Variants in NRG3 observed in about 807,000 individuals in gnomAD.
NRG3 encodes neuregulin 3, also known as pro-neuregulin-3, membrane-bound isoform.
In NRG3, 31 loss-of-function variants were observed where a neutral mutation model predicts 66.9. That is an observed-to-expected ratio of 0.46 (90% CI 0.35 to 0.63). The LOEUF (loss-of-function observed/expected upper bound fraction) is 0.63. Ranked by LOEUF, NRG3 falls within the 20% of genes least tolerant of loss-of-function variation. NRG3 has a pLI of 0.00. For synonymous variants in NRG3, 393 were observed against 359.4 expected (o/e 1.09, Z -1.06); for missense variants, 910 against 878.9 (o/e 1.04, Z -0.45).
chr10:82,839,911 T>A (rs2135740147), intron 3 of NRG3, among the ~76,000 whole-genome samples: 1 of 152,242 alleles, frequency 6.6e-6, no homozygotes, highest in East Asian at 1.9e-4. Context: ...ATCCCAAGAA[T>A]GTACAGATAT....
chr10:82,302,767 A>C (rs1475293182), intron 1 of NRG3, among the ~76,000 whole-genome samples: 2 of 152,212 alleles, frequency 1.3e-5, no homozygotes, highest in Non-Finnish European at 2.9e-5. Flanking sequence ...AAATGTGACA[A>C]GAAAGGACGT....
chr10:82,766,304 G>C lies in NRG3; in HGVS notation c.1027+27654G>C, dbSNP rs79716860. 4.1e-3 allele frequency among the ~76,000 whole-genome samples: 628 copies of C among 152,232 alleles called. 3 individuals carry two copies. The highest frequency in any genetic ancestry group is 0.014 in the African/African-American group (578 of 41,544). On this transcript the variant is annotated intron_variant, in intron 3 of 8. Transcript: ENST00000372141. The stretch of plus-strand genomic sequence containing the variant: ...AGGTTTTCTCTTGGCTCTTAGGAGG[G>C]CCTTCTCGTCTTTATTGTGATGCTG...
At chr10:82,924,595 T>G (rs1846796400) in intron 4 of NRG3, among the ~76,000 whole-genome samples, 1 of 149,548 alleles carries the variant, frequency 6.7e-6, no homozygotes, top group Admixed American at 6.7e-5. Context: ...AAAAAAAAGC[T>G]TTTAAAGATT....
intron 2 of NRG3, among the ~76,000 whole-genome samples, chr10:82,615,494 C>T (rs1252835030): frequency 6.6e-6 from 1 of 152,010 alleles, no homozygotes; most frequent in Non-Finnish European, 1.5e-5. Context: ...GAGGTAAAGC[C>T]ATTTCTACAA....
rs1243547902 is a variant in NRG3 at position 82,431,122 on chromosome 10, A to G, written c.953+72254A>G. ...TCACCACATCAGAAAGCTATGAAAA[A>G]CAATTGCCTCCAATTGTTTTCAATA... On this transcript the variant is annotated intron_variant, in intron 2 of 8. Coordinates refer to ENST00000372141, the MANE Select transcript of NRG3 (RefSeq NM_001010848.4). Among the ~76,000 whole-genome samples the G allele has an allele frequency of 2.0e-5, 3 of 152,088 alleles. No homozygotes were observed. The East Asian group carries it at 5.8e-4, about 29-fold the overall frequency.
intron 2 of NRG3, among the ~76,000 whole-genome samples, chr10:82,703,791 G>GACC (rs1447722746): frequency 6.6e-6 from 1 of 152,046 alleles, no homozygotes. Context: ...AGGGAATTAG[G>GACC]ACCACAAGAG....
intron 4 of NRG3, among the ~76,000 whole-genome samples, chr10:82,931,150 A>G (rs902577321): frequency 1.3e-5 from 2 of 152,122 alleles, no homozygotes; most frequent in Admixed American, 6.6e-5. Flanking sequence ...AATACTATCC[A>G]ATTTTTGTCT....
chr10:82,379,794 CT>C (rs2085489337), intron 2 of NRG3, among the ~76,000 whole-genome samples: 1 of 150,262 alleles, frequency 6.7e-6, no homozygotes, highest in Non-Finnish European at 1.5e-5. Flanking sequence ...TAAACTGTCT[CT>C]GACATTGTAG....
intron 1 of NRG3, among the ~76,000 whole-genome samples, chr10:82,175,188 C>G (rs754725494): frequency 6.6e-6 from 1 of 152,142 alleles, no homozygotes; most frequent in Admixed American, 6.5e-5. Context: ...CTCACCAACA[C>G]GAGGTCAGGC....
intron 4 of NRG3, among the ~76,000 whole-genome samples, chr10:82,869,829 C>T (rs569080338): frequency 5.1e-4 from 78 of 151,860 alleles, no homozygotes; most frequent in South Asian, 2.5e-3. Context: ...CGGATGGTCT[C>T]GATCTCCTGA....
chr10:82,146,676 T>C (rs951400978), intron 1 of NRG3, among the ~76,000 whole-genome samples: 1 of 152,126 alleles, frequency 6.6e-6, no homozygotes, highest in Non-Finnish European at 1.5e-5. Flanking sequence ...GATACTTTAA[T>C]TTTGGTCGTT....
chr10:82,649,073 A>T (rs2133873071), intron 2 of NRG3, among the ~76,000 whole-genome samples: 1 of 152,292 alleles, frequency 6.6e-6, no homozygotes, highest in East Asian at 1.9e-4. Context: ...CAAGACAGGG[A>T]TGCCCTCTCT....
intron 2 of NRG3, among the ~76,000 whole-genome samples, chr10:82,502,099 A>G (rs895957758): frequency 4.6e-5 from 7 of 152,220 alleles, no homozygotes; most frequent in Non-Finnish European, 2.9e-5. Context: ...TGAGATAAGC[A>G]TATGTCAAGA....
chr10:81,904,828 C>T (rs1324698070), intron 1 of NRG3, among the ~76,000 whole-genome samples: 3 of 152,096 alleles, frequency 2.0e-5, no homozygotes, highest in Non-Finnish European at 4.4e-5. Context: ...TCCTCTCAGC[C>T]CATGTTTCCT....
At chr10:82,181,693 A>G (rs2073428482) in intron 1 of NRG3, among the ~76,000 whole-genome samples, 1 of 151,876 alleles carries the variant, frequency 6.6e-6, no homozygotes, top group African/African-American at 2.4e-5. Flanking sequence ...TCTATCCTGT[A>G]GAATGTACTG....
At chr10:82,314,651 A>G (rs75497737) in intron 1 of NRG3, among the ~76,000 whole-genome samples, 21,183 of 151,888 alleles carry the variant, frequency 0.14, 1,563 homozygotes, top group Non-Finnish European at 0.17. Context: ...TACTAAAAAT[A>G]TTTAAAAAAT....
At chr10:82,617,714 C>G (rs144781917) in intron 2 of NRG3, among the ~76,000 whole-genome samples, 9 of 152,236 alleles carry the variant, frequency 5.9e-5, no homozygotes, top group Middle Eastern at 3.4e-3. Context: ...GGGACGCAGT[C>G]TCTTAAGTGT....
At chr10:82,406,535 G>A (rs942611222) in intron 2 of NRG3, among the ~76,000 whole-genome samples, 1 of 152,094 alleles carries the variant, frequency 6.6e-6, no homozygotes, top group Admixed American at 6.6e-5. Context: ...CAAAAGCTCA[G>A]ACTCTTAAAG....
chr10:82,159,641 A>G (rs2071430432), intron 1 of NRG3, among the ~76,000 whole-genome samples: 1 of 151,894 alleles, frequency 6.6e-6, no homozygotes, highest in South Asian at 2.1e-4. Context: ...GAATCTAAGA[A>G]ATAGAAACCA....
Sources: gnomAD v4.1 joint callset for allele counts (sites outside exome capture counted in the v4.1 genomes callset) on GRCh38, gnomAD v4.1.1 for gene constraint, MANE v1.5 for transcripts, NCBI Gene and HGNC (gene_info 2026-07-23, HGNC 2026-07-21) for gene names.